The following CHFR variants were observed in gnomAD, a reference collection of about 807,000 sequenced individuals.
The protein encoded by CHFR is checkpoint with forkhead and ring finger domains, also known as E3 ubiquitin-protein ligase CHFR.
A neutral mutation model predicts 87.6 loss-of-function variants in CHFR; 57 were observed. That is an observed-to-expected ratio of 0.65 (90% confidence interval 0.53 to 0.81). CHFR has a LOEUF of 0.81. CHFR is among the 30% of genes least tolerant of loss of function. The pLI is 0.00. For synonymous variants in CHFR, 381 were observed against 359.2 expected (o/e 1.06, Z -0.69); for missense variants, 797 against 865.8 (o/e 0.92, Z 1.00).
chr12:132,859,913 C>T (rs61952804), intron 7 of CHFR, among the ~76,000 whole-genome samples: 21,639 of 151,946 alleles, frequency 0.14, 2,007 homozygotes, highest in South Asian at 0.22. Flanking sequence ...GCTATGGTAG[C>T]GTGCACCTGT....
At chr12:132,883,672 AG>A (rs1254387001) in intron 2 of CHFR, among the ~76,000 whole-genome samples, 6 of 152,230 alleles carry the variant, frequency 3.9e-5, no homozygotes. Context: ...GCTTGCAGTG[AG>A]CCGAGATCGT....
intron 2 of CHFR, among the ~76,000 whole-genome samples, chr12:132,883,680 T>A (rs1487271432): frequency 2.0e-5 from 3 of 152,176 alleles, no homozygotes; most frequent in Non-Finnish European, 4.4e-5. Context: ...TGAGCCGAGA[T>A]CGTGCCACTG....
chr12:132,878,381 A>T (rs572416648), intron 2 of CHFR, among the ~76,000 whole-genome samples: 7 of 151,902 alleles, frequency 4.6e-5, no homozygotes, highest in Non-Finnish European at 1.0e-4. Flanking sequence ...AGGCAGGAGA[A>T]TCGCATGAAC....
At chr12:132,862,614 G>T (rs1238035718) in intron 6 of CHFR, among the ~76,000 whole-genome samples, 2 of 151,326 alleles carry the variant, frequency 1.3e-5, no homozygotes, top group South Asian at 2.1e-4. Flanking sequence ...TTTTTGAGAC[G>T]GACTCTTGCT....
In CHFR at chr12:132,869,670, C is replaced by A. The variant is rs564810555; in HGVS notation, c.532G>T (p.Ala178Ser). 22 of 1,551,548 alleles carry A rather than the reference C, an allele frequency of 1.4e-5. No individual in the cohort carries two copies. Among genetic ancestry groups the A allele is most frequent in the Non-Finnish European group, 1.8e-5 (21 of 1,147,002 alleles). The change falls in exon 6 of 18, where the codon GCC becomes TCC. Residue 178 changes from alanine to serine, a missense_variant. Transcript: ENST00000450056. ...STSDLFPTAS[A>S]SSTEPSPAGR... Reference sequence around the variant, plus strand: ...GCAGGAGAAGGCTCCGTGGAAGAGGCCGAGGCTGTGGGGAAGAGGTCTGAC... The same window carrying A: ...GCAGGAGAAGGCTCCGTGGAAGAGGACGAGGCTGTGGGGAAGAGGTCTGAC...
chr12:132,835,192 G>C lies in CHFR; in HGVS notation c.*6362C>G, dbSNP rs1423333692. 1.3e-5 allele frequency: 2 copies of C among 152,190 alleles called. No homozygotes were observed. The highest frequency in any genetic ancestry group is 6.5e-5 in the Admixed American group (1 of 15,274). 9.4% of individuals were successfully genotyped at this position (152,190 alleles called of 1,614,324 possible). A position where few individuals can be genotyped will look rare whatever the true frequency, so the allele number is the denominator to read the frequency against. Reference sequence around the variant, plus strand: ...TCGGATACGGGTATCTGTGGTGGCGGGACGGGGACATGGCTCAGCCCACCA... The same window carrying C: ...TCGGATACGGGTATCTGTGGTGGCGCGACGGGGACATGGCTCAGCCCACCA... On this transcript the variant is annotated 3_prime_UTR_variant, in exon 18 of 18. Coordinates refer to ENST00000450056, the MANE Select transcript of CHFR (RefSeq NM_001161346.2).
rs1321649348 is a variant in CHFR, at chr12:132,836,576, C to T, written c.*4978G>A. On this transcript the variant is annotated 3_prime_UTR_variant, in exon 18 of 18. Transcript: ENST00000450056. ...CACTCACAGTGACAGGCTCCCAGCA[C>T]GGCGCACGGCACTCACTCCTGGTCT... The T allele has an allele frequency of 1.1e-5, 5 of 443,030 alleles. No homozygotes were observed. The highest frequency in any genetic ancestry group is 3.2e-5 in the South Asian group (2 of 62,318). The allele number at this position is 443,030 out of a possible 1,614,324, so 27.4% of individuals were successfully genotyped here.
intron 2 of CHFR, among the ~76,000 whole-genome samples, chr12:132,878,425 C>T (rs1057296693): frequency 9.3e-5 from 14 of 150,934 alleles, no homozygotes; most frequent in African/African-American, 2.7e-4. Flanking sequence ...GCTGAGATCG[C>T]GCCACTGCAC....
intron 5 of CHFR, 165 bp from the exon 6 acceptor site, chr12:132,869,963 C>T (rs1296227807): frequency 2.6e-6 from 2 of 772,026 alleles, no homozygotes; most frequent in Non-Finnish European, 2.1e-6. Context: ...AATCCCAGCA[C>T]TTTGGGAAGT....
At chr12:132,887,085 T>C (rs776471313) in intron 2 of CHFR, 111 bp downstream of exon 2, 12 of 897,200 alleles carry the variant, frequency 1.3e-5, no homozygotes, top group Non-Finnish European at 1.7e-5. Flanking sequence ...ACATGACATT[T>C]CACTCCACGG....
intron 14 of CHFR, chr12:132,847,557 G>A: frequency 9.3e-7 from 1 of 1,073,312 alleles, no homozygotes; most frequent in South Asian, 2.9e-5. Flanking sequence ...CAGAGTGTGG[G>A]GCTGAGCGGG....
rs1462361547 is a variant in CHFR at position 132,835,440 on chromosome 12, T to C, written c.*6114A>G. 6 of 153,924 alleles carry C rather than the reference T, an allele frequency of 3.9e-5. No individual in the cohort carries two copies. The highest frequency in any genetic ancestry group is 8.7e-5 in the Non-Finnish European group (6 of 69,250). 9.5% of individuals were successfully genotyped at this position (153,924 alleles called of 1,614,324 possible). The stretch of plus-strand genomic sequence containing the variant: ...ACGTGGGCCATGCTAATCTTCTCTA[T>C]ATCGTTCCAGTTTTAGTAGGTGTGG... On this transcript the variant is annotated 3_prime_UTR_variant, in exon 18 of 18. Coordinates refer to ENST00000450056, the MANE Select transcript of CHFR (RefSeq NM_001161346.2).
At chr12:132,848,183 T>C (rs1244370426) in intron 13 of CHFR, 28 bp from the exon 14 acceptor site, 1 of 1,613,958 alleles carries the variant, frequency 6.2e-7, no homozygotes, top group Non-Finnish European at 8.5e-7. Flanking sequence ...CAATGTTACC[T>C]GTTTATAATG....
chr12:132,845,982 T>C (rs560029291), intron 15 of CHFR, among the ~76,000 whole-genome samples: 1 of 152,306 alleles, frequency 6.6e-6, no homozygotes, highest in South Asian at 2.1e-4. Flanking sequence ...CCAATAAATA[T>C]GAAGGGCTGT....
At chr12:132,853,898 C>T (rs1486542330) in intron 10 of CHFR, 1 of 325,750 alleles carries the variant, frequency 3.1e-6, no homozygotes, top group South Asian at 4.2e-5. Flanking sequence ...CGTGCGCGCA[C>T]GCCCCGTGCT....
In CHFR at chr12:132,853,945, C is replaced by T. The variant is rs143410797; in HGVS notation, c.1230-372G>A. 293 of 210,314 alleles carry T rather than the reference C, an allele frequency of 1.4e-3. 1 individual carries two copies. The highest frequency in any genetic ancestry group is 6.2e-3 in the African/African-American group (271 of 43,438). 13.0% of individuals were successfully genotyped at this position (210,314 alleles called of 1,614,324 possible). On this transcript the variant is annotated intron_variant, in intron 10 of 17. Transcript: ENST00000450056. The stretch of plus-strand genomic sequence containing the variant: ...GCCTACTCTCCCGTTAAAAGCAGAG[C>T]GCGGTGGGCAACGTACTGGGAGCCA...
At chr12:132,850,769 G>C (rs146473032) in intron 12 of CHFR, among the ~76,000 whole-genome samples, 2 of 152,008 alleles carry the variant, frequency 1.3e-5, no homozygotes, top group African/African-American at 4.8e-5. Flanking sequence ...CGGTGTGTGC[G>C]GCAGGAGCCA....
intron 3 of CHFR, among the ~76,000 whole-genome samples, chr12:132,876,553 A>G (rs1400690093): frequency 6.6e-6 from 1 of 152,232 alleles, no homozygotes; most frequent in Admixed American, 6.6e-5. Context: ...ACGAGAATTT[A>G]TTAGTTTTAA....
intron 2 of CHFR, among the ~76,000 whole-genome samples, chr12:132,884,687 T>G (rs1951847153): frequency 6.6e-6 from 1 of 152,108 alleles, no homozygotes; most frequent in Non-Finnish European, 1.5e-5. Flanking sequence ...CTCTGCCATG[T>G]GAGGACACAG....
Sources: allele counts gnomAD v4.1 joint callset (sites outside exome capture counted in the v4.1 genomes callset), GRCh38; gene constraint gnomAD v4.1.1; transcripts MANE v1.5; gene names NCBI Gene and HGNC (gene_info 2026-07-23, HGNC 2026-07-21).